HS3ST2: variants seen among roughly 807,000 people sequenced by gnomAD.
HS3ST2 encodes the protein heparan sulfate glucosamine 3-O-sulfotransferase 2.
A neutral mutation model predicts 26.3 loss-of-function variants in HS3ST2; 17 were observed. The observed-to-expected ratio is 0.65, with a 90% CI of 0.44 to 0.97. The LOEUF is 0.97. Among genes scored for constraint, HS3ST2 ranks in the 50% least tolerant of loss-of-function variants. The pLI is 0.00. For synonymous variants in HS3ST2, 237 were observed against 219.2 expected (o/e 1.08, Z -0.72); for missense variants, 402 against 501.2 (o/e 0.80, Z 1.89).
At chr16:22,906,033 G>T (rs757031715) in intron 1 of HS3ST2, among the ~76,000 whole-genome samples, 5 of 152,112 alleles carry the variant, frequency 3.3e-5, no homozygotes, top group Non-Finnish European at 7.3e-5. Context: ...TGCCACAGTG[G>T]TTCTAAGCAC....
chr16:22,881,019 C>T (rs574082006), intron 1 of HS3ST2, among the ~76,000 whole-genome samples: 2 of 152,346 alleles, frequency 1.3e-5, no homozygotes, highest in Admixed American at 6.5e-5. Context: ...GCAATACATT[C>T]CCTTGTTGTT....
At chr16:22,880,492 A>G (rs2141196709) in intron 1 of HS3ST2, among the ~76,000 whole-genome samples, 1 of 152,298 alleles carries the variant, frequency 6.6e-6, no homozygotes, top group East Asian at 1.9e-4. Context: ...TAGACAACCA[A>G]TGTGTACTCT....
intron 1 of HS3ST2, among the ~76,000 whole-genome samples, chr16:22,825,430 G>A (rs530061348): frequency 5.9e-5 from 9 of 152,298 alleles, no homozygotes; most frequent in African/African-American, 1.9e-4. Context: ...TTCACTGTTT[G>A]GTGAGGCTAT....
chr16:22,831,492 A>G (rs973966432), intron 1 of HS3ST2, among the ~76,000 whole-genome samples: 2 of 152,178 alleles, frequency 1.3e-5, no homozygotes, highest in Admixed American at 1.3e-4. Context: ...CAGTATTTTT[A>G]GGTCTCCTTC....
In HS3ST2 at chr16:22,815,310, C is replaced by T. The variant is rs568317549; in HGVS notation, c.485+215C>T. Among the ~76,000 whole-genome samples the T allele has an allele frequency of 1.3e-4, 20 of 152,340 alleles. No homozygotes were observed. In the South Asian group the frequency reaches 3.9e-3, roughly 30 times the overall value. On this transcript the variant is annotated intron_variant, in intron 1 of 1. Transcript: ENST00000261374. ...TCTGGAACTGCAAAGGGCGTTCCCTCGTCACTGGAGTCGTTGGAAAAGGAT... is the reference window on the plus strand; with the variant it reads ...TCTGGAACTGCAAAGGGCGTTCCCTTGTCACTGGAGTCGTTGGAAAAGGAT...
intron 1 of HS3ST2, among the ~76,000 whole-genome samples, chr16:22,829,530 C>T (rs1209123948): frequency 6.6e-6 from 1 of 152,022 alleles, no homozygotes; most frequent in Non-Finnish European, 1.5e-5. Context: ...AAAGTGAACT[C>T]TCAATTTATA....
rs1902487511 is a variant in HS3ST2 at position 22,915,759 on chromosome 16, T to C, written c.*197T>C. 1 of 613,042 alleles carries C rather than the reference T, an allele frequency of 1.6e-6. No homozygotes were observed. The highest frequency in any genetic ancestry group is 2.9e-6 in the Non-Finnish European group (1 of 348,778). 38.0% of individuals were successfully genotyped at this position (613,042 alleles called of 1,614,324 possible). ...TCCCTGCCACTAGTTTTCATCAGTCTGTTCAAGCAAAGTTGATCTGCTCCT... is the reference window on the plus strand; with the variant it reads ...TCCCTGCCACTAGTTTTCATCAGTCCGTTCAAGCAAAGTTGATCTGCTCCT... On this transcript the variant is annotated 3_prime_UTR_variant, in exon 2 of 2. Coordinates refer to ENST00000261374, the MANE Select transcript of HS3ST2 (RefSeq NM_006043.2).
intron 1 of HS3ST2, among the ~76,000 whole-genome samples, chr16:22,864,367 C>G (rs1041306919): frequency 5.3e-5 from 8 of 152,192 alleles, no homozygotes; most frequent in Non-Finnish European, 8.8e-5. Context: ...GGAAATATGT[C>G]AGGACCTCAT....
chr16:22,863,806 C>T (rs930129903), intron 1 of HS3ST2, among the ~76,000 whole-genome samples: 3 of 152,160 alleles, frequency 2.0e-5, no homozygotes, highest in Non-Finnish European at 2.9e-5. Context: ...CTCTCCAGGC[C>T]GTGCAAGAAG....
chr16:22,848,799 T>C (rs1901481100), intron 1 of HS3ST2, among the ~76,000 whole-genome samples: 1 of 152,200 alleles, frequency 6.6e-6, no homozygotes, highest in African/African-American at 2.4e-5. Context: ...CGAGGCTCTA[T>C]GATTATCCCC....
chr16:22,914,109 C>T (rs1274830876), intron 1 of HS3ST2, among the ~76,000 whole-genome samples: 1 of 151,770 alleles, frequency 6.6e-6, no homozygotes, highest in Non-Finnish European at 1.5e-5. Flanking sequence ...TGCACTGCAC[C>T]TTGGGAGACA....
intron 1 of HS3ST2, among the ~76,000 whole-genome samples, chr16:22,820,288 C>G (rs770813836): frequency 6.6e-6 from 1 of 152,172 alleles, no homozygotes; most frequent in Non-Finnish European, 1.5e-5. Context: ...GAATGGGCAA[C>G]AAGAATTGTC....
At chr16:22,824,773 T>C (rs1225280888) in intron 1 of HS3ST2, among the ~76,000 whole-genome samples, 2 of 152,180 alleles carry the variant, frequency 1.3e-5, no homozygotes, top group Non-Finnish European at 2.9e-5. Flanking sequence ...AGGGTGTCTA[T>C]GATGACAGGG....
chr16:22,869,089 A>G (rs993948318), intron 1 of HS3ST2, among the ~76,000 whole-genome samples: 26 of 151,742 alleles, frequency 1.7e-4, no homozygotes, highest in African/African-American at 6.3e-4. Flanking sequence ...AGAACTGCAA[A>G]TGAGATTTAT....
intron 1 of HS3ST2, among the ~76,000 whole-genome samples, chr16:22,879,313 A>G (rs1047060693): frequency 6.6e-6 from 1 of 152,198 alleles, no homozygotes; most frequent in Admixed American, 6.5e-5. Flanking sequence ...TGGCTTCCAG[A>G]GCTTTCTAAC....
intron 1 of HS3ST2, among the ~76,000 whole-genome samples, chr16:22,856,053 T>A (rs978393346): frequency 2.6e-5 from 4 of 152,176 alleles, no homozygotes; most frequent in African/African-American, 9.7e-5. Context: ...GGATGAATAG[T>A]TGGTAGATGG....
At chr16:22,844,822 A>G in intron 1 of HS3ST2, among the ~76,000 whole-genome samples, 1 of 151,752 alleles carries the variant, frequency 6.6e-6, no homozygotes, top group Non-Finnish European at 1.5e-5. Flanking sequence ...TACAGCCTGC[A>G]GAACTGTGAG....
At chr16:22,893,634 C>CTTTTTT (rs56664558) in intron 1 of HS3ST2, among the ~76,000 whole-genome samples, 1 of 130,254 alleles carries the variant, frequency 7.7e-6, no homozygotes, top group African/African-American at 2.9e-5. Flanking sequence ...TTTTTCTTTT[C>CTTTTTT]TTTTTTTTTT....
intron 1 of HS3ST2, among the ~76,000 whole-genome samples, chr16:22,870,286 TA>T (rs1384992187): frequency 6.6e-6 from 1 of 152,094 alleles, no homozygotes; most frequent in East Asian, 1.9e-4. Context: ...GGGGCAGGAA[TA>T]ATTCCAGCAT....
Sources: gnomAD v4.1 joint callset for allele counts (sites outside exome capture counted in the v4.1 genomes callset) on GRCh38, gnomAD v4.1.1 for gene constraint, MANE v1.5 for transcripts, NCBI Gene and HGNC (gene_info 2026-07-23, HGNC 2026-07-21) for gene names.